The following LRFN5 variants were observed in gnomAD, a reference collection of about 807,000 sequenced individuals.
LRFN5 encodes the protein leucine rich repeat and fibronectin type III domain containing 5.
Under a neutral mutation model 45.6 loss-of-function variants are expected in LRFN5, and 24 were observed. The ratio of observed to expected loss-of-function variants is 0.53; its 90% CI spans 0.38 to 0.74. LRFN5 has a LOEUF of 0.74. Ranked by LOEUF, LRFN5 falls within the 30% of genes least tolerant of loss-of-function variation. The pLI, the probability that LRFN5 is intolerant of heterozygous loss-of-function variation, is 0.00. For missense variants in LRFN5, 776 were observed against 861.5 expected (o/e 0.90, Z 1.24); for synonymous variants, 340 against 313.8 (o/e 1.08, Z -0.88).
chr14:41,894,440 C>T, intron 4 of LRFN5: 2 of 934,496 alleles, frequency 2.1e-6, no homozygotes, highest in Non-Finnish European at 2.6e-6. Flanking sequence ...ATCATTTTTA[C>T]AATATTTAAA....
intron 1 of LRFN5, among the ~76,000 whole-genome samples, chr14:41,749,123 G>A (rs1380240390): frequency 1.3e-5 from 2 of 152,018 alleles, no homozygotes; most frequent in African/African-American, 4.8e-5. Context: ...CATTTACGAG[G>A]ACAGAGCCTT....
chr14:41,802,530 C>T (rs1887370840), intron 2 of LRFN5, among the ~76,000 whole-genome samples: 1 of 152,038 alleles, frequency 6.6e-6, no homozygotes, highest in Admixed American at 6.6e-5. Context: ...AGGTGGAGTC[C>T]TAGTTGAGAA....
At chr14:41,899,763 G>A (rs1891049552) in intron 5 of LRFN5, among the ~76,000 whole-genome samples, 2 of 152,090 alleles carry the variant, frequency 1.3e-5, no homozygotes, top group Admixed American at 1.3e-4. Context: ...AAACAACTTT[G>A]TCAATCTTTC....
chr14:41,671,635 T>TTTTTTTTTTTTTTTTTTG (rs1881236035), intron 1 of LRFN5, among the ~76,000 whole-genome samples: 1 of 147,062 alleles, frequency 6.8e-6, no homozygotes, highest in Non-Finnish European at 1.5e-5. Flanking sequence ...TTTTTTTTTT[T>TTTTTTTTTTTTTTTTTTG]TTACGGAGTT....
At chr14:41,864,538 T>A (rs1889776271) in intron 2 of LRFN5, among the ~76,000 whole-genome samples, 1 of 152,232 alleles carries the variant, frequency 6.6e-6, no homozygotes. Context: ...ACATGAGTTA[T>A]GTGGGATTAG....
intron 2 of LRFN5, among the ~76,000 whole-genome samples, chr14:41,807,920 G>GT (rs1205559715): frequency 5.9e-5 from 9 of 151,852 alleles, no homozygotes; most frequent in Admixed American, 2.0e-4. Flanking sequence ...TTTTCACGAT[G>GT]TTTATCTCCA....
rs577441292 is a variant in LRFN5, at chr14:41,758,686, A to G, written c.-196-8168A>G. ...AAATGCTTTGCAAACATTATTTTGT[A>G]TTCATCTTTAGTTCTTCATTCTTCC... On this transcript the variant is annotated intron_variant, in intron 1 of 5. Coordinates refer to ENST00000298119, the MANE Select transcript of LRFN5 (RefSeq NM_152447.5). Among the ~76,000 whole-genome samples the G allele has an allele frequency of 3.9e-5, 6 of 152,316 alleles. 1 individual carries two copies. The highest frequency in any genetic ancestry group is 1.4e-4 in the African/African-American group (6 of 41,582).
At chr14:41,835,078 A>G (rs2139040767) in intron 2 of LRFN5, among the ~76,000 whole-genome samples, 2 of 152,238 alleles carry the variant, frequency 1.3e-5, no homozygotes, top group East Asian at 1.9e-4. Context: ...AAGTTTTTTC[A>G]TCATTATATA....
At chr14:41,726,146 AC>A (rs1373875165) in intron 1 of LRFN5, among the ~76,000 whole-genome samples, 1 of 152,134 alleles carries the variant, frequency 6.6e-6, no homozygotes, top group Non-Finnish European at 1.5e-5. Context: ...TGGCCATAGA[AC>A]TGTTCCTATT....
intron 1 of LRFN5, among the ~76,000 whole-genome samples, chr14:41,675,371 C>G (rs1447900797): frequency 6.6e-6 from 1 of 152,260 alleles, no homozygotes; most frequent in East Asian, 1.9e-4. Flanking sequence ...GAGGCCGAGG[C>G]TGGCGGATCA....
In LRFN5 at chr14:41,823,009, C is replaced by A. The variant is rs551154118; in HGVS notation, c.-21+55980C>A. Among the ~76,000 whole-genome samples, 20 of 151,302 alleles carry A rather than the reference C, an allele frequency of 1.3e-4. No individual in the cohort carries two copies. The South Asian group carries it at 4.2e-3, about 32-fold the overall frequency. On this transcript the variant is annotated intron_variant, in intron 2 of 5. Transcript: ENST00000298119. ...CCCATATGTATGATATATTTTTTTC[C>A]ACCCGAGTCTATAAGTGTCATTACT...
At chr14:41,817,999 C>G (rs1202995164) in intron 2 of LRFN5, among the ~76,000 whole-genome samples, 1 of 152,080 alleles carries the variant, frequency 6.6e-6, no homozygotes, top group Admixed American at 6.6e-5. Flanking sequence ...AAATCCTTTT[C>G]TATGACTTAA....
At chr14:41,880,764 T>A (rs982219172) in intron 2 of LRFN5, among the ~76,000 whole-genome samples, 3 of 152,250 alleles carry the variant, frequency 2.0e-5, no homozygotes, top group East Asian at 1.9e-4. Context: ...TTAAAAAAAA[T>A]TCCCTTTTTC....
chr14:41,773,254 T>C (rs2138896935), intron 2 of LRFN5, among the ~76,000 whole-genome samples: 1 of 152,312 alleles, frequency 6.6e-6, no homozygotes, highest in South Asian at 2.1e-4. Flanking sequence ...CACCTGACTG[T>C]TTCTCCCTGA....
At chr14:41,628,964 T>A (rs994338976) in intron 1 of LRFN5, among the ~76,000 whole-genome samples, 2 of 152,272 alleles carry the variant, frequency 1.3e-5, no homozygotes, top group South Asian at 2.1e-4. Context: ...CTCTCACAAC[T>A]TCCCATTTAG....
chr14:41,816,708 C>A (rs1262985442), intron 2 of LRFN5, among the ~76,000 whole-genome samples: 1 of 151,844 alleles, frequency 6.6e-6, no homozygotes, highest in Non-Finnish European at 1.5e-5. Flanking sequence ...CAAACTTTGT[C>A]TCTTTATTCT....
chr14:41,687,332 A>G (rs1882165941), intron 1 of LRFN5, among the ~76,000 whole-genome samples: 1 of 152,282 alleles, frequency 6.6e-6, no homozygotes, highest in Admixed American at 6.5e-5. Context: ...AAAAATTAGG[A>G]AACAATAGAT....
intron 4 of LRFN5, chr14:41,892,388 A>G (rs1204607384): frequency 1.0e-6 from 1 of 985,148 alleles, no homozygotes; most frequent in Non-Finnish European, 1.2e-6. Context: ...AAAGCATGAC[A>G]TAGCAGCAGT....
At chr14:41,882,249 C>G (rs1890406011) in intron 2 of LRFN5, among the ~76,000 whole-genome samples, 1 of 151,596 alleles carries the variant, frequency 6.6e-6, no homozygotes, top group Non-Finnish European at 1.5e-5. Context: ...TTTCTTTTGG[C>G]TGCACCTACC....
Sources: gnomAD v4.1 joint callset for allele counts (sites outside exome capture counted in the v4.1 genomes callset) on GRCh38, gnomAD v4.1.1 for gene constraint, MANE v1.5 for transcripts, NCBI Gene and HGNC (gene_info 2026-07-23, HGNC 2026-07-21) for gene names.